KALRN: variants seen among roughly 807,000 people sequenced by gnomAD.
KALRN encodes kalirin RhoGEF kinase, also known as kalirin.
A neutral mutation model predicts 353.7 loss-of-function variants in KALRN; 70 were observed. The ratio of observed to expected loss-of-function variants is 0.20; its 90% CI spans 0.16 to 0.24. KALRN has a LOEUF of 0.24. KALRN is among the 10% of genes least tolerant of loss of function. The probability of loss-of-function intolerance (pLI) is 1.00; values close to 1 mark genes in which losing one functional copy is unlikely to be tolerated. For synonymous variants in KALRN, 1,391 were observed against 1,434.8 expected (o/e 0.97, Z 0.69); for missense variants, 2,791 against 3,756.7 (o/e 0.74, Z 6.72).
intron 1 of KALRN, among the ~76,000 whole-genome samples, chr3:124,075,900 C>T (rs2060236794): frequency 6.6e-6 from 1 of 152,182 alleles, no homozygotes; most frequent in Non-Finnish European, 1.5e-5. Context: ...TCAGGGCAAA[C>T]TCTGTTTCTG....
chr3:124,693,891 T>C, intron 52 of KALRN, 60 bp downstream of exon 52: 1 of 1,230,130 alleles, frequency 8.1e-7, no homozygotes. Flanking sequence ...TTATAGTTAA[T>C]CCAGCACTAA....
chr3:124,119,226 G>A (rs1016000459), intron 1 of KALRN, among the ~76,000 whole-genome samples: 1 of 152,206 alleles, frequency 6.6e-6, no homozygotes, highest in African/African-American at 2.4e-5. Flanking sequence ...CTGTTGCACA[G>A]ATGTGGTGCA....
rs1052828016 is a variant in KALRN at position 124,651,023 on chromosome 3, G to A, written c.5795+85G>A. On this transcript the variant is annotated intron_variant, in intron 38 of 59. Coordinates refer to ENST00000682506, the MANE Select transcript of KALRN (RefSeq NM_001388419.1). ...AAAGGTTGGGGAAAATTCGAGAGGG[G>A]TTCCCCACGCTGTTTCCACTGACAT... 3.3e-6 allele frequency: 5 copies of A among 1,506,928 alleles called. No homozygotes were observed. The African/African-American group carries it at 6.9e-5, about 21-fold the overall frequency. 93.3% of individuals were successfully genotyped at this position (1,506,928 alleles called of 1,614,324 possible).
Position 124,219,292 on chromosome 3 carries a change from T to C in KALRN, c.74-8698T>C, listed in dbSNP as rs184266826. Among the ~76,000 whole-genome samples the C allele has an allele frequency of 1.9e-4, 29 of 152,314 alleles. 1 individual carries two copies. Among genetic ancestry groups the C allele is most frequent in the African/African-American group, 6.7e-4 (28 of 41,568 alleles). On this transcript the variant is annotated intron_variant, in intron 1 of 59. Coordinates refer to ENST00000682506, the MANE Select transcript of KALRN (RefSeq NM_001388419.1). ...AACAGGGAGGTACATGCCAGTGATATACTGAGGCAGAGAAGTGAGTCCAGC... is the reference window on the plus strand; with the variant it reads ...AACAGGGAGGTACATGCCAGTGATACACTGAGGCAGAGAAGTGAGTCCAGC...
intron 1 of KALRN, among the ~76,000 whole-genome samples, chr3:124,118,949 G>C (rs575136223): frequency 3.9e-4 from 59 of 152,332 alleles, no homozygotes; most frequent in Non-Finnish European, 6.3e-4. Context: ...CCATGGAGTA[G>C]TGACATTGAA....
chr3:124,194,826 T>C (rs1162836651), intron 1 of KALRN, among the ~76,000 whole-genome samples: 1 of 152,032 alleles, frequency 6.6e-6, no homozygotes, highest in African/African-American at 2.4e-5. Flanking sequence ...CCTGTTCCCT[T>C]TCTGGGTGGG....
rs751074018 is a variant in KALRN, at chr3:124,667,108, G to A, written c.6628G>A (p.Ala2210Thr). 12 of 1,614,036 alleles carry A rather than the reference G, an allele frequency of 7.4e-6. No homozygotes were observed. The highest frequency in any genetic ancestry group is 4.0e-5 in the African/African-American group (3 of 74,924). Residue 2210 changes from alanine (A) to threonine (T), a missense_variant, in exon 47 of 60, where the codon GCC becomes ACC. Physicochemically the swap from Ala to Thr is moderately conservative, Grantham distance 58. Coordinates refer to ENST00000682506, the MANE Select transcript of KALRN (RefSeq NM_001388419.1). ...TTCTGAGAGGGTTGTTCTGCAAGCCGCCAACGCTGACATCCAGCAGGCCTG... is the reference window on the plus strand; with the variant it reads ...TTCTGAGAGGGTTGTTCTGCAAGCCACCAACGCTGACATCCAGCAGGCCTG... ...ETSERVVLQA[A>T]NADIQQAWVQ...
chr3:124,068,219 G>T (rs566935058), intron 1 of KALRN, among the ~76,000 whole-genome samples: 1 of 152,286 alleles, frequency 6.6e-6, no homozygotes, highest in East Asian at 1.9e-4. Flanking sequence ...TAGGGATATG[G>T]TCTTCTTTCT....
intron 33 of KALRN, among the ~76,000 whole-genome samples, chr3:124,559,936 A>G (rs2071749073): frequency 6.6e-6 from 1 of 152,252 alleles, no homozygotes; most frequent in Non-Finnish European, 1.5e-5. Context: ...CCGGTTGTCT[A>G]CAACGTGTGA....
intron 33 of KALRN, among the ~76,000 whole-genome samples, chr3:124,552,267 A>G (rs1875365): frequency 0.36 from 54,413 of 152,054 alleles, 10,109 homozygotes; most frequent in African/African-American, 0.45. Flanking sequence ...GCTCCCAGCC[A>G]GACCCCTTAC....
At chr3:124,634,368 A>C (rs1471789160) in intron 36 of KALRN, among the ~76,000 whole-genome samples, 1 of 152,254 alleles carries the variant, frequency 6.6e-6, no homozygotes, top group African/African-American at 2.4e-5. Context: ...GGTAGCTACC[A>C]GTCAAGCCCA....
At chr3:124,650,539 A>G (rs1255732160) in intron 37 of KALRN, among the ~76,000 whole-genome samples, 2 of 152,296 alleles carry the variant, frequency 1.3e-5, no homozygotes, top group South Asian at 4.1e-4. Flanking sequence ...TCTTAACTAG[A>G]GATAGTCACT....
intron 37 of KALRN, among the ~76,000 whole-genome samples, chr3:124,642,810 T>TTTTTTTG (rs1559750002): frequency 7.3e-6 from 1 of 137,856 alleles, no homozygotes; most frequent in African/African-American, 2.8e-5. Context: ...AGCCTCGTTT[T>TTTTTTTG]TTTTTTTTTT....
At chr3:124,568,496 ATC>A (rs1254948103) in intron 34 of KALRN, among the ~76,000 whole-genome samples, 3 of 152,228 alleles carry the variant, frequency 2.0e-5, no homozygotes, top group Non-Finnish European at 4.4e-5. Flanking sequence ...GCAATCCAAC[ATC>A]TGAGTATATA....
intron 13 of KALRN, among the ~76,000 whole-genome samples, chr3:124,410,723 G>A (rs578218627): frequency 6.6e-6 from 1 of 152,154 alleles, no homozygotes; most frequent in Non-Finnish European, 1.5e-5. Flanking sequence ...AGAGCAACCG[G>A]AACTTGAATA....
chr3:124,605,387 A>G (rs972161144), intron 34 of KALRN, among the ~76,000 whole-genome samples: 8 of 152,004 alleles, frequency 5.3e-5, no homozygotes, highest in African/African-American at 1.7e-4. Flanking sequence ...AGCCTGGCCA[A>G]CATGGTGAAA....
chr3:124,275,561 G>A (rs942817739), intron 5 of KALRN, among the ~76,000 whole-genome samples: 1 of 152,132 alleles, frequency 6.6e-6, no homozygotes, highest in Non-Finnish European at 1.5e-5. Flanking sequence ...AATTGAGTGG[G>A]GTTATGTATG....
chr3:124,474,548 G>C, intron 25 of KALRN, 115 bp from the exon 26 acceptor site: 1 of 786,302 alleles, frequency 1.3e-6, no homozygotes, highest in South Asian at 1.5e-5. Context: ...CACTTAGACA[G>C]TAGAGAAGCC....
In KALRN at chr3:124,660,912, C is replaced by T. The variant is rs1262836352; in HGVS notation, c.6217-11C>T. 5.6e-6 allele frequency: 9 copies of T among 1,603,860 alleles called. No homozygotes were observed. The highest frequency in any genetic ancestry group is 7.7e-6 in the Non-Finnish European group (9 of 1,170,988). On this transcript the variant is annotated splice_polypyrimidine_tract_variant and intron_variant, in intron 43 of 59. Coordinates refer to ENST00000682506, the MANE Select transcript of KALRN (RefSeq NM_001388419.1). ...CTTCCCACACTCTTGCCTGCTTCCC[C>T]TACTTGTTAGGACTTCCTGAGATAC... is the stretch of plus-strand genomic sequence containing the variant.
Sources: allele counts gnomAD v4.1 joint callset (sites outside exome capture counted in the v4.1 genomes callset), GRCh38; gene constraint gnomAD v4.1.1; transcripts MANE v1.5; gene names NCBI Gene and HGNC (gene_info 2026-07-23, HGNC 2026-07-21).